The following AFF1 variants were observed in gnomAD, a reference collection of about 807,000 sequenced individuals.
AFF1 encodes the protein AF4/FMR2 family member 1.
Under a neutral mutation model 121.7 loss-of-function variants are expected in AFF1, and 48 were observed. The ratio of observed to expected loss-of-function variants is 0.39; its 90% CI spans 0.31 to 0.50. The LOEUF (loss-of-function observed/expected upper bound fraction) is 0.50. AFF1 is among the 20% of genes least tolerant of loss of function. The pLI is 0.76. For missense variants in AFF1, 1,523 were observed against 1,511.7 expected, an observed-to-expected ratio of 1.01 and a Z score of -0.12; for synonymous variants, 613 against 563.0, an observed-to-expected ratio of 1.09 and a Z score of -1.26.
chr4:87,036,304 T>G (rs921279113), intron 2 of AFF1, among the ~76,000 whole-genome samples: 2 of 152,166 alleles, frequency 1.3e-5, no homozygotes, highest in African/African-American at 2.4e-5. Flanking sequence ...TTTCTGAAAT[T>G]TGTCAGTAAC....
At chr4:86,973,454 A>G (rs1035109480) in intron 2 of AFF1, among the ~76,000 whole-genome samples, 1 of 152,112 alleles carries the variant, frequency 6.6e-6, no homozygotes, top group African/African-American at 2.4e-5. Flanking sequence ...TGGTCTCTTA[A>G]TTTTTTTCCC....
intron 8 of AFF1, among the ~76,000 whole-genome samples, chr4:87,099,711 C>A (rs549221635): frequency 6.6e-6 from 1 of 152,148 alleles, no homozygotes; most frequent in Non-Finnish European, 1.5e-5. Flanking sequence ...GCCCGGCCCC[C>A]ACATGCTGTG....
rs149562937 is a variant in AFF1, at chr4:86,941,428, C to T, written c.-37+6188C>T. ...ATCCCAGCACTTTGGGAGGCCAAGG[C>T]GGGTGGATCGCTTGGAAGTCAGGAG... On this transcript the variant is annotated intron_variant, in intron 1 of 20. Coordinates refer to ENST00000395146, the MANE Select transcript of AFF1 (RefSeq NM_001166693.3). 5.0e-3 allele frequency among the ~76,000 whole-genome samples: 768 copies of T among 152,164 alleles called. 9 individuals carry two copies. Among genetic ancestry groups the T allele is most frequent in the African/African-American group, 0.017 (723 of 41,516 alleles).
At chr4:87,081,501 A>G (rs1221250195) in intron 4 of AFF1, among the ~76,000 whole-genome samples, 4 of 152,132 alleles carry the variant, frequency 2.6e-5, no homozygotes, top group Admixed American at 1.3e-4. Context: ...TGTATGTTGA[A>G]CATCTTTCCA....
chr4:87,091,915 C>T, intron 7 of AFF1, 86 bp downstream of exon 7: 1 of 961,798 alleles, frequency 1.0e-6, no homozygotes, highest in Non-Finnish European at 1.6e-6. Flanking sequence ...AAAAAATGCC[C>T]CAGCAGAGAT....
Position 87,117,999 on chromosome 4 carries a change from G to A in AFF1, c.2466+2700G>A, listed in dbSNP as rs149106664. Among the ~76,000 whole-genome samples, 797 of 152,310 alleles carry A rather than the reference G, an allele frequency of 5.2e-3. 4 individuals carry two copies. Among genetic ancestry groups the A allele is most frequent in the Middle Eastern group, 0.01 (3 of 294 alleles). The stretch of plus-strand genomic sequence containing the variant: ...GAAGCTTGGGTACTGCTCACATTTG[G>A]ATAATGAAGATATTTTTCATTGTGT... On this transcript the variant is annotated intron_variant, in intron 12 of 20. Transcript: ENST00000395146.
At chr4:87,062,631 A>G (rs1460139157) in intron 4 of AFF1, among the ~76,000 whole-genome samples, 1 of 152,210 alleles carries the variant, frequency 6.6e-6, no homozygotes, top group Non-Finnish European at 1.5e-5. Context: ...TTTATTTTAA[A>G]TTACTTATTT....
chr4:87,085,514 T>C (rs1723639102), intron 5 of AFF1, among the ~76,000 whole-genome samples: 1 of 152,088 alleles, frequency 6.6e-6, no homozygotes, highest in Non-Finnish European at 1.5e-5. Context: ...TGCTCATATT[T>C]TCTCAAAATA....
At chr4:87,096,544 T>C (rs1724888304) in intron 8 of AFF1, among the ~76,000 whole-genome samples, 1 of 151,652 alleles carries the variant, frequency 6.6e-6, no homozygotes, top group Admixed American at 6.6e-5. Flanking sequence ...TTTTTTTCTT[T>C]TTCTTTTTCT....
At chr4:87,119,907 G>A (rs1229522251) in intron 12 of AFF1, among the ~76,000 whole-genome samples, 6 of 152,202 alleles carry the variant, frequency 3.9e-5, no homozygotes, top group Non-Finnish European at 7.3e-5. Flanking sequence ...TTATTGCAGG[G>A]AGTGATTGGT....
At chr4:86,998,098 C>CAAAAAAAAAAAAAAAAAAAAAAA (rs56741955) in intron 2 of AFF1, among the ~76,000 whole-genome samples, 2 of 91,754 alleles carry the variant, frequency 2.2e-5, no homozygotes, top group Non-Finnish European at 4.2e-5. Flanking sequence ...AACTCCGTCT[C>CAAAAAAAAAAAAAAAAAAAAAAA]AAAAAAAAAA....
intron 2 of AFF1, among the ~76,000 whole-genome samples, chr4:87,014,140 A>C (rs770921902): frequency 6.6e-6 from 1 of 152,190 alleles, no homozygotes; most frequent in Non-Finnish European, 1.5e-5. Context: ...AAAAAAATTA[A>C]AAGATACCAA....
chr4:87,047,464 C>A lies in AFF1; in HGVS notation c.929C>A (p.Ala310Asp). 1 of 1,614,136 alleles carries A rather than the reference C, an allele frequency of 6.2e-7. No homozygotes were observed. Among genetic ancestry groups the A allele is most frequent in the South Asian group, 1.1e-5 (1 of 91,076 alleles). ...CGGCCCATGGATGGTCAAGATCAGG[C>A]CCCTAGTGAATCCCCTGAACTGAAA... ...YVRPMDGQDQ[A>D]PSESPELKPL... Residue 310 changes from alanine (A) to aspartate (D), a missense_variant, in exon 4 of 21, where the codon GCC (alanine) becomes GAC (aspartate). Ala to Asp is a moderately radical substitution (Grantham distance 126). Around this residue, in one of 5 missense-constraint regions of AFF1, gnomAD observed 905 missense variants for 842.5 expected, o/e 1.07. Coordinates refer to ENST00000395146, the MANE Select transcript of AFF1 (RefSeq NM_001166693.3).
At chr4:87,101,623 C>G (rs1725442152) in intron 8 of AFF1, among the ~76,000 whole-genome samples, 1 of 152,032 alleles carries the variant, frequency 6.6e-6, no homozygotes, top group Non-Finnish European at 1.5e-5. Context: ...TGCTCTGGAG[C>G]CCAGCCTCTT....
chr4:87,054,243 C>T (rs1354900286), intron 4 of AFF1, among the ~76,000 whole-genome samples: 1 of 152,238 alleles, frequency 6.6e-6, no homozygotes, highest in Non-Finnish European at 1.5e-5. Context: ...GACAACTGTT[C>T]CGGAAAAGCT....
intron 2 of AFF1, among the ~76,000 whole-genome samples, chr4:87,006,039 C>G (rs917326832): frequency 3.3e-5 from 5 of 152,148 alleles, no homozygotes. Context: ...CTTTGAGAAC[C>G]CTTGATAGAG....
At chr4:87,123,709 G>A (rs185057559) in intron 12 of AFF1, among the ~76,000 whole-genome samples, 6 of 152,238 alleles carry the variant, frequency 3.9e-5, no homozygotes, top group Non-Finnish European at 7.3e-5. Flanking sequence ...CTATTATTTT[G>A]TGTGGAGCCA....
intron 1 of AFF1, among the ~76,000 whole-genome samples, chr4:86,944,075 T>C (rs1270805514): frequency 6.7e-6 from 1 of 149,776 alleles, no homozygotes; most frequent in Non-Finnish European, 1.5e-5. Context: ...GCCCAGAAGG[T>C]TGAGGTTGCA....
At chr4:87,069,664 C>T (rs929152852) in intron 4 of AFF1, among the ~76,000 whole-genome samples, 4 of 150,406 alleles carry the variant, frequency 2.7e-5, no homozygotes, top group Non-Finnish European at 4.4e-5. Flanking sequence ...CCCCTCCTTT[C>T]TTTCATTTTA....
Sources: gnomAD v4.1 joint callset for allele counts (sites outside exome capture counted in the v4.1 genomes callset) on GRCh38, gnomAD v4.1.1 for gene constraint, gnomAD v4.1.1 regional missense constraint, MANE v1.5 for transcripts, NCBI Gene and HGNC (gene_info 2026-07-23, HGNC 2026-07-21) for gene names.